KMT2B: variants seen among roughly 807,000 people sequenced by gnomAD.
KMT2B encodes the protein lysine methyltransferase 2B.
A neutral mutation model predicts 255.3 loss-of-function variants in KMT2B; 22 were observed. That is an observed-to-expected ratio of 0.09 (90% CI 0.06 to 0.12). The LOEUF is 0.12. KMT2B is among the 10% of genes least tolerant of loss of function. The probability of loss-of-function intolerance (pLI) is 1.00; values close to 1 mark genes in which losing one functional copy is unlikely to be tolerated. For synonymous variants in KMT2B, 1,730 were observed against 1,498.1 expected (o/e 1.15, Z -3.57); for missense variants, 3,149 against 3,737.0 (o/e 0.84, Z 4.10).
chr19:35,734,545 G>T (rs1338503608), intron 30 of KMT2B, among the ~76,000 whole-genome samples: 1 of 152,202 alleles, frequency 6.6e-6, no homozygotes, highest in Non-Finnish European at 1.5e-5. Flanking sequence ...GGAAGGGCAG[G>T]CTGGGATGGA....
Position 35,723,040 on chromosome 19 carries a change from G to A in KMT2B, c.2768G>A (p.Arg923Gln), listed in dbSNP as rs754812892. ...SETESVPSRSRRGKVEAAGPG... is the reference protein window; with the variant it reads ...SETESVPSRSQRGKVEAAGPG... The stretch of plus-strand genomic sequence containing the variant: ...ACTGAGAGTGTCCCGTCACGGTCCC[G>A]GCGGGGAAAGGTGGAGGCAGCAGGC... Residue 923 changes from arginine (R) to glutamine (Q), a missense_variant, in exon 6 of 37, where the codon CGG (arginine) becomes CAG (glutamine). Arg to Gln is a conservative substitution (Grantham distance 43). Coordinates refer to ENST00000420124, the MANE Select transcript of KMT2B (RefSeq NM_014727.3). This position sits in a 1 kb window ranked among gnomAD's most constrained non-coding sequence, Gnocchi z 7.5. 2.4e-5 allele frequency: 38 copies of A among 1,610,942 alleles called. No individual in the cohort carries two copies. Among genetic ancestry groups the A allele is most frequent in the Middle Eastern group, 1.7e-4 (1 of 6,044 alleles).
rs1970002975 is a variant in KMT2B, at chr19:35,738,326, G to A, written c.7917G>A (p.Val2639=). ...YMFRMDDFDV[V]DATMHGNAAR... is the part of the protein sequence containing the mutation. ...TCCGCATGGATGACTTTGATGTAGTGGACGCCACGATGCATGGCAATGCCG... is the reference window on the plus strand; with the variant it reads ...TCCGCATGGATGACTTTGATGTAGTAGACGCCACGATGCATGGCAATGCCG... Residue 2639 remains valine, a synonymous_variant, in exon 37 of 37, where the codon GTG becomes GTA. Coordinates refer to ENST00000420124, the MANE Select transcript of KMT2B (RefSeq NM_014727.3). This position sits in a 1 kb window ranked among gnomAD's most constrained non-coding sequence, Gnocchi z 8.7. 5 of 1,613,844 alleles carry A rather than the reference G, an allele frequency of 3.1e-6. No homozygotes were observed. The highest frequency in any genetic ancestry group is 4.2e-6 in the Non-Finnish European group (5 of 1,179,836).
In KMT2B at chr19:35,725,282, AG is replaced by A; in HGVS notation, c.3596del (p.Gly1199AlafsTer156). ...GGLSVLTSVPGGPPMVCLLCA... is the reference protein window; with the variant it reads ...GGLSVLTSVPXGPPMVCLLCA... ...GCCTGAGTGTGCTCACCTCTGTGCC[AG>A]GGGGCCCCCCGATGGTGTGCTTGCT... On this transcript the variant is annotated frameshift_variant, in exon 11 of 37. Transcript: ENST00000420124. LOFTEE classifies it high-confidence loss of function. The surrounding 1 kb of genome is among the most constrained non-coding windows in gnomAD (Gnocchi z 4.1). The A allele has an allele frequency of 1.3e-6, 2 of 1,587,398 alleles. No homozygotes were observed. Among genetic ancestry groups the A allele is most frequent in the Non-Finnish European group, 1.7e-6 (2 of 1,167,072 alleles).
chr19:35,725,926 C>G lies in KMT2B; in HGVS notation c.3885+108C>G. On this transcript the variant is annotated intron_variant, in intron 13 of 36. Coordinates refer to ENST00000420124, the MANE Select transcript of KMT2B (RefSeq NM_014727.3). The surrounding 1 kb of genome is among the most constrained non-coding windows in gnomAD (Gnocchi z 4.1). ...AGGAGGAGCAGAGGTTGGGGATCCT[C>G]TTAAGAATTGATTAGTAATGTTTCC... 1 of 902,874 alleles carries G rather than the reference C, an allele frequency of 1.1e-6. No individual in the cohort carries two copies. Among genetic ancestry groups the G allele is most frequent in the East Asian group, 2.7e-5 (1 of 37,626 alleles). The allele number at this position is 902,874 out of a possible 1,614,324, so 55.9% of individuals were successfully genotyped here.
In KMT2B at chr19:35,732,965, C is replaced by T. The variant is rs1350017018; in HGVS notation, c.6416C>T (p.Ala2139Val). The T allele has an allele frequency of 3.1e-6, 5 of 1,604,558 alleles. No homozygotes were observed. Among genetic ancestry groups the T allele is most frequent in the African/African-American group, 1.3e-5 (1 of 74,900 alleles). Residue 2139 changes from alanine (A) to valine (V), a missense_variant, in exon 28 of 37, where the codon GCG (alanine) becomes GTG (valine). Ala to Val is a moderately conservative substitution (Grantham distance 64). Transcript: ENST00000420124. ...CCTAGAGAGGAGTCACTCCCCCCGG[C>T]GCCTCCCCTGGCTAATGGCAGCCAG... ...AGPREESLPPAPPLANGSQPS... is the reference protein window; with the variant it reads ...AGPREESLPPVPPLANGSQPS...
At chr19:35,731,290 C>G (rs1351078837) in intron 26 of KMT2B, among the ~76,000 whole-genome samples, 1 of 152,240 alleles carries the variant, frequency 6.6e-6, no homozygotes, top group Non-Finnish European at 1.5e-5. Flanking sequence ...TACAGCCACA[C>G]TGGCTGTGGG....
chr19:35,718,126 G>T lies in KMT2B; in HGVS notation c.108G>T (p.Arg36=). Residue 36 remains arginine, a synonymous_variant, in exon 1 of 37, where the codon CGG becomes CGT. Transcript: ENST00000420124. The surrounding 1 kb of genome is among the most constrained non-coding windows in gnomAD (Gnocchi z 5.0). The part of the protein sequence containing the change: ...GAGGGGGRGG[R]GNGAERVRVA... ...GCGGGGGCGGGGGCCGCGGCGGACG[G>T]GGCAACGGGGCCGAAAGAGTGCGGG... The T allele has an allele frequency of 9.8e-7, 1 of 1,017,218 alleles. No individual in the cohort carries two copies. 63.0% of individuals were successfully genotyped at this position (1,017,218 alleles called of 1,614,324 possible). A position where few individuals can be genotyped will look rare whatever the true frequency, so the allele number is the denominator to read the frequency against.
At position 35,725,805 on chromosome 19, in the gene KMT2B, A is replaced by G; in HGVS notation, c.3872A>G (p.Lys1291Arg). 1 of 1,580,390 alleles carries G rather than the reference A, an allele frequency of 6.3e-7. No homozygotes were observed. The highest frequency in any genetic ancestry group is 1.1e-5 in the South Asian group (1 of 87,106). The part of the protein sequence containing the change: ...GPSYPTRATR[K>R]RRHWICSACV... ...AGCTATCCAACCCGGGCCACGCGCAAACGGCGCCACTGGGTGAGAGATGAG... is the reference window on the plus strand; with the variant it reads ...AGCTATCCAACCCGGGCCACGCGCAGACGGCGCCACTGGGTGAGAGATGAG... The change falls in exon 13 of 37, where the codon AAA (lysine) becomes AGA (arginine). Residue 1291 changes from lysine to arginine, a missense_variant. Around this residue, in one of 18 missense-constraint regions of KMT2B, gnomAD observed 377 missense variants for 471.0 expected, o/e 0.80. Transcript: ENST00000420124. The surrounding 1 kb of genome is among the most constrained non-coding windows in gnomAD (Gnocchi z 4.1).
At chr19:35,734,748 G>A (rs370279956) in intron 30 of KMT2B, among the ~76,000 whole-genome samples, 1 of 152,228 alleles carries the variant, frequency 6.6e-6, no homozygotes, top group Admixed American at 6.5e-5. Context: ...TGAGGGCAGT[G>A]GCTGGGGGAG....
At chr19:35,731,879 C>A (rs773884537) in intron 26 of KMT2B, 29 bp from the exon 27 acceptor site, 3 of 1,528,840 alleles carry the variant, frequency 2.0e-6, no homozygotes, top group Non-Finnish European at 2.7e-6. Context: ...GAGCCCCTAC[C>A]ACCCCAATGC....
At position 35,730,017 on chromosome 19, in the gene KMT2B, C is replaced by G. The variant is rs369065630; in HGVS notation, c.4968C>G (p.Ser1656=). 1.1e-5 allele frequency: 18 copies of G among 1,613,764 alleles called. No homozygotes were observed. In the African/African-American group the frequency reaches 2.4e-4, roughly 21 times the overall value. The part of the protein sequence containing the change: ...KPGATVGCCL[S]SCLSNFHFMC... The stretch of plus-strand genomic sequence containing the variant: ...GCGCCACGGTGGGCTGCTGCCTGTC[C>G]TCCTGCCTCAGCAACTTCCACTTCA... The change falls in exon 23 of 37, where the codon TCC becomes TCG. Residue 1656 remains serine, a synonymous_variant. Coordinates refer to ENST00000420124, the MANE Select transcript of KMT2B (RefSeq NM_014727.3).
In KMT2B at chr19:35,725,347, C is replaced by G. The variant is rs1338833701; in HGVS notation, c.3642+14C>G. 6.4e-7 allele frequency: 1 copy of G among 1,557,196 alleles called. No individual in the cohort carries two copies. Among genetic ancestry groups the G allele is most frequent in the Non-Finnish European group, 8.7e-7 (1 of 1,151,694 alleles). On this transcript the variant is annotated intron_variant, in intron 11 of 36. Transcript: ENST00000420124. The surrounding 1 kb of genome is among the most constrained non-coding windows in gnomAD (Gnocchi z 4.1). Reference sequence around the variant, plus strand: ...GGACTCCACGAGGTTAGATCTCTGCCTTTCTTCACAGACCCCCAGCTCTCT... The same window carrying G: ...GGACTCCACGAGGTTAGATCTCTGCGTTTCTTCACAGACCCCCAGCTCTCT...
intron 23 of KMT2B, 50 bp downstream of exon 23, chr19:35,730,175 T>A (rs1276996341): frequency 2.5e-6 from 4 of 1,610,376 alleles, no homozygotes; most frequent in Non-Finnish European, 3.4e-6. Flanking sequence ...TCTCTTCCTG[T>A]TCACTTAGGG....
Position 35,721,498 on chromosome 19 carries a change from C to T in KMT2B, c.2151C>T (p.Ala717=), listed in dbSNP as rs780598456. 3.0e-5 allele frequency: 48 copies of T among 1,612,372 alleles called. No individual in the cohort carries two copies. Among genetic ancestry groups the T allele is most frequent in the Non-Finnish European group, 3.9e-5 (46 of 1,179,844 alleles). ...FAPVVTTPVK[A]EVSPHGAPAL... Reference sequence around the variant, plus strand: ...CTGTGGTCACCACTCCTGTTAAGGCCGAGGTGTCCCCTCACGGGGCTCCAG... The same window carrying T: ...CTGTGGTCACCACTCCTGTTAAGGCTGAGGTGTCCCCTCACGGGGCTCCAG... Residue 717 remains alanine, a synonymous_variant, in exon 3 of 37, where the codon GCC becomes GCT. Coordinates refer to ENST00000420124, the MANE Select transcript of KMT2B (RefSeq NM_014727.3).
At position 35,723,995 on chromosome 19, in the gene KMT2B, C is replaced by G; in HGVS notation, c.3322C>G (p.Pro1108Ala). The change falls in exon 8 of 37, where the codon CCC becomes GCC. Residue 1108 changes from proline to alanine, a missense_variant. By Grantham distance (27) the Pro-to-Ala change is conservative. Transcript: ENST00000420124. The surrounding 1 kb of genome is among the most constrained non-coding windows in gnomAD (Gnocchi z 7.5). ...GGPPAPRRRT[P>A]RENELPLPEP... ...CCCCCCTGCTCCTCGGCGTCGGACC[C>G]CCCGAGAAAATGGTGCGAACTGCTT... is the stretch of plus-strand genomic sequence containing the variant. 4 of 1,588,106 alleles carry G rather than the reference C, an allele frequency of 2.5e-6. No individual in the cohort carries two copies. Among genetic ancestry groups the G allele is most frequent in the Non-Finnish European group, 3.4e-6 (4 of 1,167,678 alleles).
In KMT2B at chr19:35,730,415, G is replaced by A. The variant is rs1380768051; in HGVS notation, c.5150G>A (p.Arg1717Gln). 1 of 1,613,792 alleles carries A rather than the reference G, an allele frequency of 6.2e-7. No individual in the cohort carries two copies. The highest frequency in any genetic ancestry group is 8.5e-7 in the Non-Finnish European group (1 of 1,179,728). The change falls in exon 24 of 37, where the codon CGG (arginine) becomes CAG (glutamine). Residue 1717 changes from arginine to glutamine, a missense_variant. This residue lies in a region of KMT2B where 58 missense variants were observed against 96.9 expected (regional missense o/e 0.60). Coordinates refer to ENST00000420124, the MANE Select transcript of KMT2B (RefSeq NM_014727.3). ...GACTTCGAGGGCATCAACTTCAAGC[G>A]GAAGTTCTTGACGGGGCTTGAACCC... The part of the protein sequence containing the change: ...YVDFEGINFK[R>Q]KFLTGLEPDA...
At chr19:35,722,531 C>A in intron 4 of KMT2B, 37 bp from the exon 5 acceptor site, 1 of 1,590,914 alleles carries the variant, frequency 6.3e-7, no homozygotes, top group Middle Eastern at 1.7e-4. Context: ...GCTGCGGGAG[C>A]GCAAGCTGCC....
At chr19:35,721,948 T>G (rs1969231627) in intron 3 of KMT2B, 144 bp downstream of exon 3, 1 of 1,134,270 alleles carries the variant, frequency 8.8e-7, no homozygotes, top group South Asian at 1.7e-5. Flanking sequence ...CCCACCTTCC[T>G]TTGTTCCTCC....
At position 35,732,080 on chromosome 19, in the gene KMT2B, C is replaced by T. The variant is rs1408357243; in HGVS notation, c.5610C>T (p.Tyr1870=). The change falls in exon 27 of 37, where the codon TAC becomes TAT. Residue 1870 remains tyrosine (Y), a synonymous_variant. Coordinates refer to ENST00000420124, the MANE Select transcript of KMT2B (RefSeq NM_014727.3). ...FSGARIKVPN[Y]SPSRRPLGGV... ...GGGCTCGAATCAAAGTGCCCAACTA[C>T]TCGCCATCCCGGAGGCCCTTGGGGG... 1 of 1,608,894 alleles carries T rather than the reference C, an allele frequency of 6.2e-7. No homozygotes were observed. The highest frequency in any genetic ancestry group is 1.7e-5 in the Admixed American group (1 of 59,492).
Sources: allele counts gnomAD v4.1 joint callset (sites outside exome capture counted in the v4.1 genomes callset), GRCh38; gene constraint gnomAD v4.1.1; regional missense constraint gnomAD v4.1.1; non-coding constraint Gnocchi (gnomAD v3.1); transcripts MANE v1.5; gene names NCBI Gene and HGNC (gene_info 2026-07-23, HGNC 2026-07-21).